RCOR3: variants seen among roughly 807,000 people sequenced by gnomAD.
The protein encoded by RCOR3 is REST corepressor 3.
Under a neutral mutation model 64.1 loss-of-function variants are expected in RCOR3, and 13 were observed. The observed-to-expected ratio is 0.20, with a 90% CI of 0.13 to 0.32. The LOEUF (loss-of-function observed/expected upper bound fraction) is 0.32. Among genes scored for constraint, RCOR3 ranks in the 10% least tolerant of loss-of-function variants. The probability of loss-of-function intolerance (pLI) is 1.00; values close to 1 mark genes in which losing one functional copy is unlikely to be tolerated. For missense variants in RCOR3, 489 were observed against 701.2 expected, an observed-to-expected ratio of 0.70 and a Z score of 3.42; for synonymous variants, 215 against 239.0, an observed-to-expected ratio of 0.90 and a Z score of 0.93.
At chr1:211,269,158 G>A (rs1056689620) in intron 2 of RCOR3, among the ~76,000 whole-genome samples, 15 of 152,016 alleles carry the variant, frequency 9.9e-5, no homozygotes, top group South Asian at 6.2e-4. Flanking sequence ...GGTAATTATC[G>A]GTACCACATA....
Position 211,295,706 on chromosome 1 carries a change from C to T in RCOR3, c.970C>T (p.Leu324Phe). ...GAATGCTAAGCAAGTAAACAGTGCA[C>T]TTAAACAGAAAATGGAAGGTGGAAT... ...VQNAKQVNSA[L>F]KQKMEGGIEE... Residue 324 changes from leucine (L) to phenylalanine (F), a missense_variant, in exon 9 of 12, where the codon CTT (leucine) becomes TTT (phenylalanine). Leu to Phe is a conservative substitution (Grantham distance 22, BLOSUM62 0). Coordinates refer to ENST00000419091, the MANE Select transcript of RCOR3 (RefSeq NM_001136223.3). The T allele has an allele frequency of 6.2e-7, 1 of 1,613,534 alleles. No homozygotes were observed. Among genetic ancestry groups the T allele is most frequent in the South Asian group, 1.1e-5 (1 of 91,068 alleles).
chr1:211,285,627 T>TC (rs1032290456), intron 7 of RCOR3, among the ~76,000 whole-genome samples: 1 of 152,242 alleles, frequency 6.6e-6, no homozygotes, highest in African/African-American at 2.4e-5. Flanking sequence ...GTTTTAAACC[T>TC]CCAAGCCCAG....
At chr1:211,283,282 G>T (rs1698074887) in intron 7 of RCOR3, among the ~76,000 whole-genome samples, 1 of 152,208 alleles carries the variant, frequency 6.6e-6, no homozygotes, top group African/African-American at 2.4e-5. Context: ...GGAGAAAGGG[G>T]TGACAACTAT....
chr1:211,259,698 G>A lies in RCOR3; in HGVS notation c.138G>A (p.Glu46=). 3 of 1,531,144 alleles carry A rather than the reference G, an allele frequency of 2.0e-6. No homozygotes were observed. The highest frequency in any genetic ancestry group is 2.6e-6 in the Non-Finnish European group (3 of 1,138,142). 94.8% of individuals were successfully genotyped at this position (1,531,144 alleles called of 1,614,324 possible). The part of the protein sequence containing the change: ...TNGGLHYSEP[E]SGCSSDDEHD... ...GCGGGCTGCACTACTCAGAGCCCGA[G>A]AGCGGCTGCAGCAGCGACGACGAGC... Residue 46 remains glutamate (E), a synonymous_variant, in exon 1 of 12, where the codon GAG becomes GAA. Coordinates refer to ENST00000419091, the MANE Select transcript of RCOR3 (RefSeq NM_001136223.3).
Position 211,313,650 on chromosome 1 carries a change from G to A in RCOR3, c.1544G>A (p.Arg515His), listed in dbSNP as rs1334042074. ...TLNQPPPPLI[R>H]PANSMPPRLN... ...AATCAGCCTCCACCACCTCTTATTC[G>A]CCCTGCTAATTCCATGCCACCCCGT... is the stretch of plus-strand genomic sequence containing the variant. Residue 515 changes from arginine (R) to histidine (H), a missense_variant, in exon 12 of 12, where the codon CGC (arginine) becomes CAC (histidine). Around this residue, in one of 2 missense-constraint regions of RCOR3, gnomAD observed 402 missense variants for 617.0 expected, o/e 0.65. Coordinates refer to ENST00000419091, the MANE Select transcript of RCOR3 (RefSeq NM_001136223.3). The surrounding 1 kb of genome is among the most constrained non-coding windows in gnomAD (Gnocchi z 4.7). 9 of 1,613,932 alleles carry A rather than the reference G, an allele frequency of 5.6e-6. No homozygotes were observed. The highest frequency in any genetic ancestry group is 1.7e-5 in the Admixed American group (1 of 59,990).
intron 7 of RCOR3, among the ~76,000 whole-genome samples, chr1:211,288,684 G>A (rs1261877323): frequency 1.3e-5 from 2 of 151,140 alleles, no homozygotes; most frequent in East Asian, 3.9e-4. Context: ...CTTTAGAGGC[G>A]TAGTTTTCTT....
Position 211,270,131 on chromosome 1 carries a change from C to T in RCOR3, c.224-1101C>T, listed in dbSNP as rs188979561. Among the ~76,000 whole-genome samples the T allele has an allele frequency of 1.3e-4, 20 of 149,690 alleles. No individual in the cohort carries two copies. In the East Asian group the frequency reaches 3.4e-3, roughly 25 times the overall value. On this transcript the variant is annotated intron_variant, in intron 2 of 11. Coordinates refer to ENST00000419091, the MANE Select transcript of RCOR3 (RefSeq NM_001136223.3). ...AGGCTGGAGTGCAGCTGTGTGACCT[C>T]GGCTCACTGGCAACCTCTGCCTCCT...
Position 211,259,375 on chromosome 1 carries a change from A to G in RCOR3, c.-186A>G. On this transcript the variant is annotated 5_prime_UTR_variant, in exon 1 of 12. Transcript: ENST00000419091. ...GGCGGGGCCGGGGCGGGTTGTTGTGAGGCGACTGCGCTACTGCCGGAGCGG... is the reference window on the plus strand; with the variant it reads ...GGCGGGGCCGGGGCGGGTTGTTGTGGGGCGACTGCGCTACTGCCGGAGCGG... 1 of 506,596 alleles carries G rather than the reference A, an allele frequency of 2.0e-6. No individual in the cohort carries two copies. The highest frequency in any genetic ancestry group is 2.2e-5 in the South Asian group (1 of 45,066). The allele number at this position is 506,596 out of a possible 1,614,324, so 31.4% of individuals were successfully genotyped here.
chr1:211,294,652 C>T (rs1324611335), intron 8 of RCOR3, among the ~76,000 whole-genome samples: 13 of 145,170 alleles, frequency 9.0e-5, no homozygotes, highest in South Asian at 4.3e-4. Flanking sequence ...TGCAGCGGCG[C>T]GATCTCAGCT....
At chr1:211,289,754 C>A (rs753224429) in intron 8 of RCOR3, among the ~76,000 whole-genome samples, 1 of 152,044 alleles carries the variant, frequency 6.6e-6, no homozygotes, top group Non-Finnish European at 1.5e-5. Context: ...TTTGAGTGCT[C>A]AGTGAGTGAT....
Position 211,312,881 on chromosome 1 carries a change from G to C in RCOR3, c.1237G>C (p.Gly413Arg). 6.2e-7 allele frequency: 1 copy of C among 1,614,146 alleles called. No individual in the cohort carries two copies. Among genetic ancestry groups the C allele is most frequent in the Non-Finnish European group, 8.5e-7 (1 of 1,180,018 alleles). ...AGAACAAGGAACCCAGGCTTCTAAT[G>C]GTGATGCTTCTACTTTAGGGGAGGA... ...EAEQGTQASN[G>R]DASTLGEETK... The change falls in exon 11 of 12, where the codon GGT (glycine) becomes CGT (arginine). Residue 413 changes from glycine (G) to arginine (R), a missense_variant. Physicochemically the swap from Gly to Arg is moderately radical, Grantham distance 125. This residue lies in a region of RCOR3 where 402 missense variants were observed against 617.0 expected (regional missense o/e 0.65). Transcript: ENST00000419091. This position sits in a 1 kb window ranked among gnomAD's most constrained non-coding sequence, Gnocchi z 5.0.
chr1:211,290,283 G>C (rs1484152565), intron 8 of RCOR3, among the ~76,000 whole-genome samples: 1 of 152,140 alleles, frequency 6.6e-6, no homozygotes, highest in East Asian at 1.9e-4. Context: ...CCAGCTGCCT[G>C]CTAGGTCTTC....
chr1:211,307,556 A>G (rs993540418), intron 10 of RCOR3, among the ~76,000 whole-genome samples: 2 of 151,958 alleles, frequency 1.3e-5, no homozygotes, highest in African/African-American at 4.8e-5. Flanking sequence ...TTCTAGGTGT[A>G]TCTTTTTTCC....
intron 4 of RCOR3, among the ~76,000 whole-genome samples, chr1:211,275,492 T>A (rs1188552278): frequency 2.6e-5 from 4 of 152,092 alleles, no homozygotes; most frequent in African/African-American, 9.7e-5. Flanking sequence ...AGTACAGAAA[T>A]TAACAAACTC....
intron 9 of RCOR3, among the ~76,000 whole-genome samples, chr1:211,301,093 G>GA (rs1018485474): frequency 8.0e-4 from 121 of 150,910 alleles, no homozygotes; most frequent in African/African-American, 2.6e-3. Context: ...GAGTAATCTT[G>GA]AAAAAAAAAT....
At chr1:211,286,826 C>T (rs1479385742) in intron 7 of RCOR3, among the ~76,000 whole-genome samples, 3 of 152,082 alleles carry the variant, frequency 2.0e-5, no homozygotes, top group South Asian at 2.1e-4. Context: ...ACATATAGTC[C>T]GTTTTGTTTA....
At chr1:211,302,288 A>G (rs1700457715) in intron 9 of RCOR3, 1 of 152,244 alleles carries the variant, frequency 6.6e-6, no homozygotes, top group African/African-American at 2.4e-5. Flanking sequence ...AAAAGATGAG[A>G]AACTTCATGA....
At chr1:211,283,478 T>C (rs934589144) in intron 7 of RCOR3, among the ~76,000 whole-genome samples, 1 of 152,202 alleles carries the variant, frequency 6.6e-6, no homozygotes, top group Non-Finnish European at 1.5e-5. Context: ...AGAATACCCA[T>C]TGTATACTTC....
At chr1:211,277,122 AT>A (rs1192430631) in intron 5 of RCOR3, among the ~76,000 whole-genome samples, 4 of 151,542 alleles carry the variant, frequency 2.6e-5, no homozygotes, top group South Asian at 2.1e-4. Context: ...AACAAAAAAA[AT>A]ATTATTTCAA....
Sources: gnomAD v4.1 joint callset for allele counts (sites outside exome capture counted in the v4.1 genomes callset) on GRCh38, gnomAD v4.1.1 for gene constraint, gnomAD v4.1.1 regional missense constraint, Gnocchi (gnomAD v3.1) non-coding constraint, MANE v1.5 for transcripts, NCBI Gene and HGNC (gene_info 2026-07-23, HGNC 2026-07-21) for gene names.